Variants in CEP350 observed in about 807,000 individuals in gnomAD.
CEP350 encodes the protein centrosome-associated protein 350.
A neutral mutation model predicts 331.8 loss-of-function variants in CEP350; 126 were observed. The observed-to-expected ratio is 0.38, with a 90% CI of 0.33 to 0.44. CEP350 has a LOEUF of 0.44. Ranked by LOEUF, CEP350 falls within the 20% of genes least tolerant of loss-of-function variation. The pLI, the probability that CEP350 is intolerant of heterozygous loss-of-function variation, is 1.00. For synonymous variants in CEP350, 1,200 were observed against 1,259.5 expected, an observed-to-expected ratio of 0.95 and a Z score of 1.00; for missense variants, 3,406 against 3,634.6, an observed-to-expected ratio of 0.94 and a Z score of 1.62.
chr1:180,016,323 A>G (rs1654968871), intron 11 of CEP350, among the ~76,000 whole-genome samples: 2 of 152,166 alleles, frequency 1.3e-5, no homozygotes, highest in South Asian at 4.1e-4. Context: ...GTCTACTGCT[A>G]TTTAAAATTT....
At chr1:180,105,726 CT>C (rs1661106223) in intron 37 of CEP350, among the ~76,000 whole-genome samples, 1 of 152,060 alleles carries the variant, frequency 6.6e-6, no homozygotes, top group Admixed American at 6.6e-5. Context: ...TGTGGTGATT[CT>C]TTTATCAAAA....
chr1:180,091,119 C>T (rs1054278438), intron 33 of CEP350, among the ~76,000 whole-genome samples: 1 of 151,774 alleles, frequency 6.6e-6, no homozygotes, highest in African/African-American at 2.4e-5. Flanking sequence ...GCAATCCTCC[C>T]ATCCTAGCCT....
chr1:179,985,225 T>C (rs920834450), intron 1 of CEP350, among the ~76,000 whole-genome samples: 5 of 152,226 alleles, frequency 3.3e-5, no homozygotes, highest in African/African-American at 1.2e-4. Flanking sequence ...CTATTCTGAC[T>C]GTCTCATGTA....
At chr1:179,999,443 T>C (rs919472710) in intron 6 of CEP350, among the ~76,000 whole-genome samples, 2 of 152,178 alleles carry the variant, frequency 1.3e-5, no homozygotes, top group African/African-American at 4.8e-5. Context: ...GAACTCATTA[T>C]AGAATATGGC....
rs1224415303 is a variant in CEP350, at chr1:180,065,122, A to C, written c.5417A>C (p.His1806Pro). ...KSAGESKLDS[H>P]SDDDTKDNKA... ...GCCTCTTTTTGTTTGCAGGACTCTC[A>C]TAGTGATGATGATACAAAGGATAAT... The change falls in exon 27 of 38, where the codon CAT becomes CCT. Residue 1806 changes from histidine (H) to proline (P), a missense_variant. Transcript: ENST00000367607. 1 of 1,603,174 alleles carries C rather than the reference A, an allele frequency of 6.2e-7. No individual in the cohort carries two copies. The highest frequency in any genetic ancestry group is 1.8e-5 in the Admixed American group (1 of 56,922).
chr1:180,004,577 A>G (rs984961857), intron 7 of CEP350, among the ~76,000 whole-genome samples: 16 of 152,122 alleles, frequency 1.1e-4, no homozygotes, highest in South Asian at 4.1e-4. Flanking sequence ...CCTTATGCTC[A>G]TTGTCTTCAA....
chr1:179,969,686 G>T (rs1369587435), intron 1 of CEP350, among the ~76,000 whole-genome samples: 1 of 152,112 alleles, frequency 6.6e-6, no homozygotes, highest in Non-Finnish European at 1.5e-5. Context: ...GGGTGTGGTG[G>T]TGTGTGCTGT....
At chr1:180,014,573 T>G in intron 10 of CEP350, 68 bp downstream of exon 10, 5 of 1,404,624 alleles carry the variant, frequency 3.6e-6, no homozygotes, top group Non-Finnish European at 4.7e-6. Flanking sequence ...CTATACTATT[T>G]AAAAATTACC....
At chr1:179,978,662 C>T (rs1445743969) in intron 1 of CEP350, among the ~76,000 whole-genome samples, 3 of 152,050 alleles carry the variant, frequency 2.0e-5, no homozygotes, top group Non-Finnish European at 4.4e-5. Context: ...GGCTTATTGA[C>T]TTAACATAAC....
rs146423330 is a variant in CEP350, at chr1:180,093,489, A to G, written c.7384A>G (p.Thr2462Ala). Residue 2462 changes from threonine (T) to alanine (A), a missense_variant, in exon 34 of 38, where the codon ACT (threonine) becomes GCT (alanine). Coordinates refer to ENST00000367607, the MANE Select transcript of CEP350 (RefSeq NM_014810.5). ...SDRLLELKSP[T>A]ELMKSKERSD... Reference sequence around the variant, plus strand: ...CAGGCTGTTGGAACTCAAGTCCCCTACTGAGCTGATGAAAAGTAAGGAGCG... The same window carrying G: ...CAGGCTGTTGGAACTCAAGTCCCCTGCTGAGCTGATGAAAAGTAAGGAGCG... 6 of 1,611,298 alleles carry G rather than the reference A, an allele frequency of 3.7e-6. No individual in the cohort carries two copies. The highest frequency in any genetic ancestry group is 4.2e-6 in the Non-Finnish European group (5 of 1,178,452).
In CEP350 at chr1:179,996,648, G is replaced by T. The variant is rs370506850; in HGVS notation, c.491G>T (p.Gly164Val). ...VDVNEEKTES[G>V]NWMIGSREER... ...GTTAATGAAGAAAAGACTGAGAGCG[G>T]TAACTGGATGATAGGCAGTCGAGAA... The change falls in exon 6 of 38, where the codon GGT becomes GTT. Residue 164 changes from glycine to valine, a missense_variant. Physicochemically the swap from Gly to Val is moderately radical, Grantham distance 109. Coordinates refer to ENST00000367607, the MANE Select transcript of CEP350 (RefSeq NM_014810.5). The T allele has an allele frequency of 4.3e-6, 7 of 1,612,672 alleles. No individual in the cohort carries two copies. Among genetic ancestry groups the T allele is most frequent in the Middle Eastern group, 1.6e-4 (1 of 6,084 alleles).
chr1:180,048,972 A>G (rs1657305804), intron 22 of CEP350, among the ~76,000 whole-genome samples: 1 of 152,140 alleles, frequency 6.6e-6, no homozygotes, highest in Admixed American at 6.6e-5. Context: ...GGAGGCTAAG[A>G]TGGGAGGATC....
chr1:180,084,416 G>C lies in CEP350; in HGVS notation c.6285+238G>C, dbSNP rs1305564318. 2.2e-5 allele frequency: 6 copies of C among 267,666 alleles called. No individual in the cohort carries two copies. The East Asian group carries it at 4.8e-4, about 21-fold the overall frequency. The allele number at this position is 267,666 out of a possible 1,614,324, so 16.6% of individuals were successfully genotyped here. A position where few individuals can be genotyped will look rare whatever the true frequency, so the allele number is the denominator to read the frequency against. On this transcript the variant is annotated intron_variant, in intron 31 of 37. Transcript: ENST00000367607. ...ATCTCGCTCTGTCGCCTAGGCTGGA[G>C]TGCAGTGGCGCGATCTCTGCTCACT...
rs771805698 is a variant in CEP350, at chr1:180,043,202, C to G, written c.4499+10C>G. 1 of 1,601,028 alleles carries G rather than the reference C, an allele frequency of 6.2e-7. No homozygotes were observed. The highest frequency in any genetic ancestry group is 8.5e-7 in the Non-Finnish European group (1 of 1,174,384). ...GAACTGAAACAGATAGGTTAATATT[C>G]ATTCAGTCAGCAAATATATAATGAC... On this transcript the variant is annotated intron_variant, in intron 20 of 37. Transcript: ENST00000367607.
chr1:179,961,859 T>A (rs183120585), intron 1 of CEP350, among the ~76,000 whole-genome samples: 96 of 151,434 alleles, frequency 6.3e-4, no homozygotes, highest in African/African-American at 2.3e-3. Flanking sequence ...ACTTCCCACC[T>A]TTTTTTTTGA....
intron 31 of CEP350, among the ~76,000 whole-genome samples, chr1:180,085,366 T>C (rs1659804284): frequency 6.6e-6 from 1 of 152,188 alleles, no homozygotes; most frequent in Non-Finnish European, 1.5e-5. Flanking sequence ...GATTCTTCTA[T>C]AAAGTTTCTT....
chr1:179,973,011 G>A (rs1417820096), intron 1 of CEP350, among the ~76,000 whole-genome samples: 1 of 151,980 alleles, frequency 6.6e-6, no homozygotes, highest in Non-Finnish European at 1.5e-5. Flanking sequence ...GGGACTACAG[G>A]CGCCCACCAC....
intron 1 of CEP350, among the ~76,000 whole-genome samples, chr1:179,956,717 G>A (rs1650198537): frequency 6.6e-6 from 1 of 152,220 alleles, no homozygotes; most frequent in South Asian, 2.1e-4. Flanking sequence ...ACTGACATCA[G>A]TTTTTGGTGT....
At chr1:180,088,421 CAAA>C (rs10556094) in intron 32 of CEP350, among the ~76,000 whole-genome samples, 291 of 142,476 alleles carry the variant, frequency 2.0e-3, no homozygotes, top group African/African-American at 3.2e-3. Context: ...TGACTAAAAG[CAAA>C]AAAAAAAAAA....
Sources: allele counts gnomAD v4.1 joint callset (sites outside exome capture counted in the v4.1 genomes callset), GRCh38; gene constraint gnomAD v4.1.1; transcripts MANE v1.5; gene names NCBI Gene and HGNC (gene_info 2026-07-23, HGNC 2026-07-21).